DNAH5: variants seen among roughly 807,000 people sequenced by gnomAD.
DNAH5 encodes the protein dynein axonemal heavy chain 5, also known as axonemal beta dynein heavy chain 5.
A neutral mutation model predicts 518.2 loss-of-function variants in DNAH5; 372 were observed. The observed-to-expected ratio is 0.72, with a 90% CI of 0.66 to 0.78. The LOEUF is 0.78. Among genes scored for constraint, DNAH5 ranks in the 30% least tolerant of loss-of-function variants. The pLI, the probability that DNAH5 is intolerant of heterozygous loss-of-function variation, is 0.00. For synonymous variants in DNAH5, 2,039 were observed against 2,025.9 expected (o/e 1.01, Z -0.17); for missense variants, 5,523 against 5,687.0 (o/e 0.97, Z 0.93).
intron 38 of DNAH5, among the ~76,000 whole-genome samples, chr5:13,825,004 C>T (rs548999998): frequency 1.3e-5 from 2 of 152,204 alleles, no homozygotes; most frequent in Admixed American, 6.5e-5. Context: ...AAAAACGGAA[C>T]GATATGATCC....
At chr5:13,744,545 C>T (rs1205258569) in intron 65 of DNAH5, among the ~76,000 whole-genome samples, 1 of 151,988 alleles carries the variant, frequency 6.6e-6, no homozygotes, top group South Asian at 2.1e-4. Context: ...ATGCTAATTA[C>T]CCCAATCTGA....
intron 1 of DNAH5, among the ~76,000 whole-genome samples, chr5:13,987,190 C>G (rs1783112388): frequency 6.6e-6 from 1 of 152,094 alleles, no homozygotes; most frequent in Non-Finnish European, 1.5e-5. Flanking sequence ...TTCCCTCACT[C>G]TTGCCTTCCT....
intron 1 of DNAH5, among the ~76,000 whole-genome samples, chr5:13,964,853 C>A (rs1444330350): frequency 6.6e-6 from 1 of 152,144 alleles, no homozygotes; most frequent in Non-Finnish European, 1.5e-5. Context: ...CAGATAAATG[C>A]CTTTGGGCCC....
Position 13,721,237 on chromosome 5 carries a change from C to T in DNAH5, c.12042G>A (p.Lys4014=). The T allele has an allele frequency of 1.2e-6, 2 of 1,614,122 alleles. No individual in the cohort carries two copies. The highest frequency in any genetic ancestry group is 1.7e-6 in the Non-Finnish European group (2 of 1,179,988). The change falls in exon 71 of 79, where the codon AAG becomes AAA. Residue 4014 remains lysine, a synonymous_variant. Transcript: ENST00000265104. ...TTTCTCCCATGGAGTCCACGATGTA[C>T]TTGCGGGCCTGCCAAAAACAGTATA... is the stretch of plus-strand genomic sequence containing the variant. ...CPDRTIAQAR[K]YIVDSMGEKY...
chr5:13,772,940 T>C (rs982912760), intron 55 of DNAH5, among the ~76,000 whole-genome samples: 3 of 152,200 alleles, frequency 2.0e-5, no homozygotes, highest in African/African-American at 7.2e-5. Flanking sequence ...GCTAATTTTC[T>C]AAAAAGAATA....
intron 35 of DNAH5, among the ~76,000 whole-genome samples, chr5:13,831,500 T>C (rs1763669969): frequency 6.6e-6 from 1 of 152,110 alleles, no homozygotes; most frequent in South Asian, 2.1e-4. Context: ...GGCCAAACTA[T>C]AAAGCATTCA....
At chr5:14,008,823 T>C (rs1028090236) in intron 1 of DNAH5, among the ~76,000 whole-genome samples, 18 of 152,206 alleles carry the variant, frequency 1.2e-4, no homozygotes, top group African/African-American at 4.1e-4. Context: ...AATACCATTT[T>C]CTCAACTCCA....
chr5:13,752,362 A>G, intron 63 of DNAH5, 73 bp from the exon 64 acceptor site: 1 of 1,526,376 alleles, frequency 6.6e-7, no homozygotes, highest in Non-Finnish European at 9.1e-7. Flanking sequence ...ACTGTTTTCA[A>G]ATGAAGCCTA....
In DNAH5 at chr5:13,920,557, A is replaced by G; in HGVS notation, c.721T>C (p.Leu241=). Residue 241 remains leucine, a synonymous_variant, in exon 6 of 79, where the codon TTG becomes CTG. Transcript: ENST00000265104. Reference sequence around the variant, plus strand: ...GTCTCAGGGTTATTTGCTAGAGTCAAGTAGTCCGTAGGTTCCTTTAGGGTT... The same window carrying G: ...GTCTCAGGGTTATTTGCTAGAGTCAGGTAGTCCGTAGGTTCCTTTAGGGTT... ...LKTLKEPTDY[L]TLANNPETLG... is the part of the protein sequence containing the mutation. The G allele has an allele frequency of 6.2e-7, 1 of 1,614,170 alleles. No individual in the cohort carries two copies. The highest frequency in any genetic ancestry group is 8.5e-7 in the Non-Finnish European group (1 of 1,179,990).
At position 13,862,544 on chromosome 5, in the gene DNAH5, C is replaced by T. The variant is rs750722394; in HGVS notation, c.4796+4G>A. ...CTAAGGGAAAAGATAGATGGTTTTCCCACCTGTTGCTCAGTAGGGATCCCA... is the reference window on the plus strand; with the variant it reads ...CTAAGGGAAAAGATAGATGGTTTTCTCACCTGTTGCTCAGTAGGGATCCCA... On this transcript the variant is annotated splice_donor_region_variant and intron_variant, in intron 29 of 78. Coordinates refer to ENST00000265104, the MANE Select transcript of DNAH5 (RefSeq NM_001369.3). The T allele has an allele frequency of 1.1e-5, 17 of 1,613,464 alleles. No homozygotes were observed. Among genetic ancestry groups the T allele is most frequent in the African/African-American group, 2.7e-5 (2 of 74,834 alleles).
chr5:13,796,574 T>C (rs1055870566), intron 47 of DNAH5, among the ~76,000 whole-genome samples: 2 of 152,136 alleles, frequency 1.3e-5, no homozygotes, highest in African/African-American at 4.8e-5. Context: ...TGGAAGAATA[T>C]TCCATGCTCA....
intron 66 of DNAH5, among the ~76,000 whole-genome samples, chr5:13,736,417 G>A (rs751692744): frequency 4.6e-5 from 7 of 151,780 alleles, no homozygotes; most frequent in African/African-American, 9.7e-5. Flanking sequence ...TTGTTGATAC[G>A]GAGTTTTGCT....
chr5:13,954,367 C>G (rs1286848278), intron 1 of DNAH5, among the ~76,000 whole-genome samples: 1 of 152,166 alleles, frequency 6.6e-6, no homozygotes, highest in Non-Finnish European at 1.5e-5. Context: ...CTATACCAAG[C>G]TCATGAGTCG....
chr5:13,713,418 T>C (rs1743835260), intron 75 of DNAH5, among the ~76,000 whole-genome samples: 2 of 129,678 alleles, frequency 1.5e-5, no homozygotes, highest in Admixed American at 1.8e-4. Flanking sequence ...CACCGACATA[T>C]ATATATATAC....
Position 13,840,956 on chromosome 5 carries a change from C to T in DNAH5, c.5659G>A (p.Glu1887Lys), listed in dbSNP as rs1179042084. The stretch of plus-strand genomic sequence containing the variant: ...TGCACATGAATAGTAATCAGAGTCT[C>T]GTATTTCACTCGTTCCGTGGAACTC... The part of the protein sequence containing the change: ...DLSSTERVKY[E>K]TLITIHVHQR... The change falls in exon 34 of 79, where the codon GAG becomes AAG. Residue 1887 changes from glutamate (E) to lysine (K), a missense_variant. Glu to Lys is a moderately conservative substitution (Grantham distance 56, BLOSUM62 1). Transcript: ENST00000265104. The T allele has an allele frequency of 2.5e-6, 4 of 1,613,974 alleles. No homozygotes were observed. The highest frequency in any genetic ancestry group is 3.4e-6 in the Non-Finnish European group (4 of 1,179,994).
intron 14 of DNAH5, chr5:13,900,703 T>G: frequency 2.2e-6 from 1 of 446,636 alleles, no homozygotes; most frequent in Non-Finnish European, 4.1e-6. Flanking sequence ...GCCATTTAGC[T>G]ACCTGATACC....
intron 1 of DNAH5, among the ~76,000 whole-genome samples, chr5:13,958,956 TTTG>T (rs112550386): frequency 4.6e-5 from 7 of 151,990 alleles, no homozygotes; most frequent in South Asian, 4.2e-4. Flanking sequence ...CAACAGCCTT[TTTG>T]TTGTTGTTGT....
intron 69 of DNAH5, among the ~76,000 whole-genome samples, chr5:13,728,971 CCTAA>C (rs1280316621): frequency 1.3e-5 from 2 of 151,852 alleles, no homozygotes; most frequent in Non-Finnish European, 2.9e-5. Context: ...TACCCAGGTG[CCTAA>C]CTAAGTCAAA....
In DNAH5 at chr5:13,719,036, T is replaced by G; in HGVS notation, c.12345A>C (p.Ile4115=). 1 of 1,614,130 alleles carries G rather than the reference T, an allele frequency of 6.2e-7. No individual in the cohort carries two copies. The highest frequency in any genetic ancestry group is 8.5e-7 in the Non-Finnish European group (1 of 1,180,012). Residue 4115 remains isoleucine (I), a synonymous_variant, in exon 72 of 79, where the codon ATA becomes ATC. Coordinates refer to ENST00000265104, the MANE Select transcript of DNAH5 (RefSeq NM_001369.3). ...CATGTACAAGCTCAGTTTCTATGAT[T>G]ATGTCCATCAGCTCATCCATGAAAT... ...GLDFMDELMD[I]IIETELVHDA... is the part of the protein sequence containing the mutation.
Sources: allele counts gnomAD v4.1 joint callset (sites outside exome capture counted in the v4.1 genomes callset), GRCh38; gene constraint gnomAD v4.1.1; transcripts MANE v1.5; gene names NCBI Gene and HGNC (gene_info 2026-07-23, HGNC 2026-07-21).